Variants in PUM1 observed in about 807,000 individuals in gnomAD.
PUM1 encodes pumilio homolog 1.
PUM1 carries 13 observed loss-of-function variants against 131.8 expected under a neutral mutation model. The observed-to-expected ratio is 0.10, with a 90% CI of 0.06 to 0.16. PUM1 has a LOEUF of 0.16. Among genes scored for constraint, PUM1 ranks in the 10% least tolerant of loss-of-function variants. The pLI, the probability that PUM1 is intolerant of heterozygous loss-of-function variation, is 1.00. For synonymous variants in PUM1, 509 were observed against 556.5 expected (o/e 0.91, Z 1.20); for missense variants, 961 against 1,512.4 (o/e 0.64, Z 6.05).
At chr1:31,018,893 T>A (rs1642920138) in intron 3 of PUM1, among the ~76,000 whole-genome samples, 1 of 152,062 alleles carries the variant, frequency 6.6e-6, no homozygotes, top group African/African-American at 2.4e-5. Context: ...AAATAAAAAA[T>A]AAAAACACAA....
At chr1:31,055,645 T>C (rs1412153144) in intron 2 of PUM1, among the ~76,000 whole-genome samples, 1 of 152,206 alleles carries the variant, frequency 6.6e-6, no homozygotes. Flanking sequence ...AAACAGGTTT[T>C]GCCATTTACT....
chr1:30,969,660 CG>C (rs1640793680), intron 10 of PUM1, among the ~76,000 whole-genome samples: 2 of 151,480 alleles, frequency 1.3e-5, no homozygotes, highest in Admixed American at 6.6e-5. Context: ...TGGTGGGCGG[CG>C]GGTGGCGCGG....
chr1:31,043,695 C>T (rs879334058), intron 2 of PUM1, among the ~76,000 whole-genome samples: 30 of 152,146 alleles, frequency 2.0e-4, no homozygotes, highest in Non-Finnish European at 3.5e-4. Flanking sequence ...AACACCTGTT[C>T]TCTACAGTTT....
In PUM1 at chr1:30,991,888, C is replaced by T. The variant is rs540277798; in HGVS notation, c.1158+502G>A. ...GTTGAATGATTTGTGTGTGTGGTTT[C>T]CTCTGATCGCATTCTAATACTTTTG... On this transcript the variant is annotated intron_variant, in intron 7 of 21. Coordinates refer to ENST00000426105, the MANE Select transcript of PUM1 (RefSeq NM_001020658.2). 2.0e-5 allele frequency among the ~76,000 whole-genome samples: 3 copies of T among 152,296 alleles called. No homozygotes were observed. The South Asian group carries it at 6.2e-4, about 32-fold the overall frequency.
chr1:30,964,888 A>T lies in PUM1; in HGVS notation c.2109T>A (p.Ser703Arg). 6.2e-7 allele frequency: 1 copy of T among 1,614,074 alleles called. No individual in the cohort carries two copies. The highest frequency in any genetic ancestry group is 8.5e-7 in the Non-Finnish European group (1 of 1,180,004). ...CAGTCAGGGAGTCACGGCGGGAGCC[A>T]CTGCCAGTGTTGGAGTTTGCAACTA... is the stretch of plus-strand genomic sequence containing the variant. ...GTAVANSNTGSGSRRDSLTGS... is the reference protein window; with the variant it reads ...GTAVANSNTGRGSRRDSLTGS... The change falls in exon 14 of 22, where the codon AGT becomes AGA. Residue 703 changes from serine (S) to arginine (R), a missense_variant. Coordinates refer to ENST00000426105, the MANE Select transcript of PUM1 (RefSeq NM_001020658.2).
At chr1:31,060,287 C>T (rs1490701670) in intron 1 of PUM1, among the ~76,000 whole-genome samples, 1 of 151,022 alleles carries the variant, frequency 6.6e-6, no homozygotes, top group Non-Finnish European at 1.5e-5. Context: ...ATGGTGAAAC[C>T]CCATCTCTAC....
rs754323687 is a variant in PUM1, at chr1:31,028,781, C to CA, written c.432+14dup. 1 of 1,607,242 alleles carries CA rather than the reference C, an allele frequency of 6.2e-7. No individual in the cohort carries two copies. Among genetic ancestry groups the CA allele is most frequent in the Non-Finnish European group, 8.5e-7 (1 of 1,173,734 alleles). On this transcript the variant is annotated intron_variant, in intron 3 of 21. Transcript: ENST00000426105. ...TAAAAACAGACCCACTTTTCTGACA[C>CA]ACCAGTTCACTTACCTCTCCCATCG...
chr1:30,944,895 G>A (rs1639604969), intron 18 of PUM1, among the ~76,000 whole-genome samples: 1 of 152,176 alleles, frequency 6.6e-6, no homozygotes, highest in Non-Finnish European at 1.5e-5. Context: ...CACACAGACA[G>A]GTACCTGACA....
At chr1:30,989,450 T>C in intron 7 of PUM1, among the ~76,000 whole-genome samples, 1 of 151,674 alleles carries the variant, frequency 6.6e-6, no homozygotes, top group Non-Finnish European at 1.5e-5. Context: ...TGGGTGTCTG[T>C]AGTCCCAGCT....
Position 31,058,123 on chromosome 1 carries a change from T to A in PUM1, c.363+1081A>T, listed in dbSNP as rs113027853. On this transcript the variant is annotated intron_variant, in intron 2 of 21. Coordinates refer to ENST00000426105, the MANE Select transcript of PUM1 (RefSeq NM_001020658.2). Reference sequence around the variant, plus strand: ...ACAATAACAAGAGGACAAAGGTGGTTAAAACCTAAAAGCCACAACCACTTC... The same window carrying A: ...ACAATAACAAGAGGACAAAGGTGGTAAAAACCTAAAAGCCACAACCACTTC... Among the ~76,000 whole-genome samples the A allele has an allele frequency of 6.5e-3, 997 of 152,272 alleles. 2 individuals are homozygous for A. The highest frequency in any genetic ancestry group is 0.014 in the Middle Eastern group (4 of 294).
chr1:31,043,638 T>C (rs1287956812), intron 2 of PUM1, among the ~76,000 whole-genome samples: 1 of 152,182 alleles, frequency 6.6e-6, no homozygotes, highest in Non-Finnish European at 1.5e-5. Flanking sequence ...AGCAGATCAA[T>C]CAACTGCATA....
At chr1:30,991,202 GA>G (rs937783944) in intron 7 of PUM1, among the ~76,000 whole-genome samples, 51 of 152,086 alleles carry the variant, frequency 3.4e-4, no homozygotes, top group African/African-American at 1.1e-3. Flanking sequence ...GCCATAAAGA[GA>G]AAAAAAGCAC....
intron 8 of PUM1, among the ~76,000 whole-genome samples, 197 bp from the exon 9 acceptor site, chr1:30,980,360 T>A (rs1267865761): frequency 6.6e-6 from 1 of 152,232 alleles, no homozygotes; most frequent in African/African-American, 2.4e-5. Context: ...AATGTTTATA[T>A]AGTCAAATTT....
At chr1:31,050,019 C>T (rs1003048477) in intron 2 of PUM1, among the ~76,000 whole-genome samples, 3 of 151,456 alleles carry the variant, frequency 2.0e-5, no homozygotes, top group Admixed American at 6.6e-5. Flanking sequence ...TTAGTAGAGA[C>T]GGGGTTTCAC....
At chr1:30,975,485 G>T (rs1394828849) in intron 9 of PUM1, among the ~76,000 whole-genome samples, 1 of 150,226 alleles carries the variant, frequency 6.7e-6, no homozygotes, top group African/African-American at 2.4e-5. Flanking sequence ...CTAATACCTG[G>T]GATTACAGAT....
chr1:31,042,356 T>A (rs904557827), intron 2 of PUM1, among the ~76,000 whole-genome samples: 7 of 151,160 alleles, frequency 4.6e-5, no homozygotes, highest in Non-Finnish European at 7.4e-5. Context: ...AAAATAAAAT[T>A]GCCTCTAGAT....
At chr1:31,020,365 C>T (rs897184665) in intron 3 of PUM1, among the ~76,000 whole-genome samples, 7 of 152,108 alleles carry the variant, frequency 4.6e-5, no homozygotes, top group African/African-American at 1.7e-4. Context: ...AACATGCAAG[C>T]GCAAGTGTCT....
chr1:31,038,984 A>ATATATATATTTTTTTTT, intron 2 of PUM1, among the ~76,000 whole-genome samples: 16 of 49,420 alleles, frequency 3.2e-4, no homozygotes, highest in East Asian at 1.3e-3. Flanking sequence ...ATATATATAT[A>ATATATATATTTTTTTTT]TTTTTTTTTT....
Position 30,964,729 on chromosome 1 carries a change from T to C in PUM1, c.2268A>G (p.Ser756=). 6.2e-7 allele frequency: 1 copy of C among 1,613,960 alleles called. No homozygotes were observed. Among genetic ancestry groups the C allele is most frequent in the Non-Finnish European group, 8.5e-7 (1 of 1,179,968 alleles). ...AAGAGAGGGAAGGAGGTGGTGTCTG[T>C]GAATGTCCTGGTCCCTGACTAGGGA... The part of the protein sequence containing the change: ...MPLPSQGPGH[S]QTPPPSLSSH... The change falls in exon 14 of 22, where the codon TCA becomes TCG. Residue 756 remains serine (S), a synonymous_variant. Coordinates refer to ENST00000426105, the MANE Select transcript of PUM1 (RefSeq NM_001020658.2).
Sources: allele counts gnomAD v4.1 joint callset (sites outside exome capture counted in the v4.1 genomes callset), GRCh38; gene constraint gnomAD v4.1.1; transcripts MANE v1.5; gene names NCBI Gene and HGNC (gene_info 2026-07-23, HGNC 2026-07-21).